UTRN: variants seen among roughly 807,000 people sequenced by gnomAD.
UTRN encodes the protein dystrophin-related protein 1.
A neutral mutation model predicts 463.9 loss-of-function variants in UTRN; 283 were observed. The observed-to-expected ratio is 0.61, with a 90% confidence interval of 0.55 to 0.67. The LOEUF is 0.67. Ranked by LOEUF, UTRN falls within the 30% of genes least tolerant of loss-of-function variation. The probability of loss-of-function intolerance (pLI) is 0.00; values close to 1 mark genes in which losing one functional copy is unlikely to be tolerated. For synonymous variants in UTRN, 1,442 were observed against 1,431.5 expected (o/e 1.01, Z -0.17); for missense variants, 3,922 against 4,084.3 (o/e 0.96, Z 1.08).
At chr6:144,843,354 A>G (rs1781754685) in intron 73 of UTRN, among the ~76,000 whole-genome samples, 1 of 152,090 alleles carries the variant, frequency 6.6e-6, no homozygotes, top group African/African-American at 2.4e-5. Context: ...TCCAAGTTCC[A>G]TTTCCTAAAG....
chr6:144,636,164 T>A (rs1285487119), intron 51 of UTRN, among the ~76,000 whole-genome samples: 2 of 152,106 alleles, frequency 1.3e-5, no homozygotes, highest in African/African-American at 2.4e-5. Context: ...TTCTTATGCT[T>A]GTAATTAGAG....
chr6:144,391,697 A>G lies in UTRN; in HGVS notation c.80-11426A>G, dbSNP rs1345924012. 2.0e-5 allele frequency among the ~76,000 whole-genome samples: 3 copies of G among 152,184 alleles called. No homozygotes were observed. In the South Asian group the frequency reaches 6.2e-4, roughly 32 times the overall value. On this transcript the variant is annotated intron_variant, in intron 2 of 74. Transcript: ENST00000367545. ...CTCTCTGCCGCCCAGGCTAGAGTGC[A>G]GTGGTGCAATCTCGGCTCACTGCAA...
intron 74 of UTRN, 73 bp from the exon 75 acceptor site, chr6:144,850,916 A>G (rs1384640679): frequency 6.3e-6 from 10 of 1,594,186 alleles, no homozygotes; most frequent in Admixed American, 1.7e-5. Flanking sequence ...TATTTTCTTG[A>G]AGAATTGACA....
chr6:144,487,824 T>C (rs1792621172), intron 29 of UTRN, 127 bp downstream of exon 29: 2 of 825,780 alleles, frequency 2.4e-6, no homozygotes, highest in South Asian at 2.7e-5. Flanking sequence ...TAACCAATGC[T>C]AACAGGGGCA....
intron 54 of UTRN, among the ~76,000 whole-genome samples, chr6:144,733,138 A>T (rs959748257): frequency 3.9e-5 from 6 of 152,246 alleles, no homozygotes; most frequent in Admixed American, 2.0e-4. Flanking sequence ...CTCTGAAGAT[A>T]TCATTTGCTG....
chr6:144,552,579 C>G (rs991872979), intron 48 of UTRN, among the ~76,000 whole-genome samples: 6 of 152,024 alleles, frequency 3.9e-5, no homozygotes, highest in African/African-American at 1.4e-4. Flanking sequence ...CTTCCCTTTC[C>G]CATTGAATGT....
intron 2 of UTRN, among the ~76,000 whole-genome samples, chr6:144,364,479 C>T (rs1227484678): frequency 1.3e-5 from 2 of 152,120 alleles, no homozygotes; most frequent in African/African-American, 4.8e-5. Flanking sequence ...CCAGCTGGGG[C>T]TAGAAGCTCA....
intron 3 of UTRN, among the ~76,000 whole-genome samples, chr6:144,409,185 G>T (rs564930294): frequency 5.3e-5 from 8 of 152,250 alleles, no homozygotes; most frequent in Admixed American, 5.2e-4. Flanking sequence ...GTTGCTGTTT[G>T]TTTTGTTTTC....
At chr6:144,731,455 C>T (rs1262337918) in intron 54 of UTRN, among the ~76,000 whole-genome samples, 1 of 152,188 alleles carries the variant, frequency 6.6e-6, no homozygotes, top group Non-Finnish European at 1.5e-5. Context: ...TGAAAGATTG[C>T]CTCATGCTGT....
intron 69 of UTRN, among the ~76,000 whole-genome samples, chr6:144,834,511 CAACT>C (rs372711197): frequency 1.7e-3 from 252 of 152,258 alleles, no homozygotes; most frequent in African/African-American, 5.7e-3. Context: ...AGGAATTCAC[CAACT>C]GTCTGATACA....
chr6:144,491,227 G>A (rs970343929), intron 32 of UTRN, 125 bp downstream of exon 32: 19 of 893,892 alleles, frequency 2.1e-5, no homozygotes, highest in African/African-American at 3.4e-5. Context: ...CATAAGGATT[G>A]ATGATGGAAA....
At chr6:144,674,288 T>G (rs2128680560) in intron 51 of UTRN, among the ~76,000 whole-genome samples, 1 of 152,156 alleles carries the variant, frequency 6.6e-6, no homozygotes, top group South Asian at 2.1e-4. Context: ...TGAATTATTC[T>G]TAGATTTGGT....
chr6:144,604,286 AAAG>A (rs1804584671), intron 51 of UTRN, among the ~76,000 whole-genome samples: 1 of 152,206 alleles, frequency 6.6e-6, no homozygotes, highest in Non-Finnish European at 1.5e-5. Flanking sequence ...TATGAGAGAA[AAAG>A]AAGAGTGTGA....
intron 27 of UTRN, among the ~76,000 whole-genome samples, chr6:144,482,644 A>G (rs1792017224): frequency 6.6e-6 from 1 of 152,140 alleles, no homozygotes; most frequent in Non-Finnish European, 1.5e-5. Flanking sequence ...TGGGCAAGTC[A>G]TTTTGTATAT....
At chr6:144,393,756 G>T (rs1362878360) in intron 2 of UTRN, among the ~76,000 whole-genome samples, 1 of 152,066 alleles carries the variant, frequency 6.6e-6, no homozygotes, top group Non-Finnish European at 1.5e-5. Flanking sequence ...AAGAGGGGGA[G>T]AGTCTTTGCT....
intron 69 of UTRN, among the ~76,000 whole-genome samples, chr6:144,834,996 C>A (rs1406079184): frequency 1.3e-5 from 2 of 152,178 alleles, no homozygotes; most frequent in African/African-American, 4.8e-5. Context: ...GGTATTTGCA[C>A]ATTTATAAGA....
At chr6:144,842,307 C>T (rs778262436) in intron 73 of UTRN, among the ~76,000 whole-genome samples, 2 of 152,004 alleles carry the variant, frequency 1.3e-5, no homozygotes, top group Non-Finnish European at 2.9e-5. Flanking sequence ...GGCCCAGGTG[C>T]GGTGGCTCAT....
In UTRN at chr6:144,533,258, A is replaced by G; in HGVS notation, c.6231A>G (p.Pro2077=). 1 of 1,613,956 alleles carries G rather than the reference A, an allele frequency of 6.2e-7. No individual in the cohort carries two copies. Among genetic ancestry groups the G allele is most frequent in the Non-Finnish European group, 8.5e-7 (1 of 1,179,870 alleles). The change falls in exon 43 of 75, where the codon CCA becomes CCG. Residue 2077 remains proline, a splice_region_variant and synonymous_variant. Transcript: ENST00000367545. ...TTGCAGAAGTGAAGGATAGGCAGCC[A>G]AGGTGATTTAGCTATGATTGTTTGC... is the stretch of plus-strand genomic sequence containing the variant. ...AIVAEVKDRQ[P]RLKGESKQVM...
At chr6:144,740,403 T>C (rs1022857001) in intron 54 of UTRN, among the ~76,000 whole-genome samples, 4 of 152,216 alleles carry the variant, frequency 2.6e-5, no homozygotes, top group African/African-American at 9.6e-5. Context: ...ACTGATTTCC[T>C]AACACCGAGG....
Sources: allele counts gnomAD v4.1 joint callset (sites outside exome capture counted in the v4.1 genomes callset), GRCh38; gene constraint gnomAD v4.1.1; transcripts MANE v1.5; gene names NCBI Gene and HGNC (gene_info 2026-07-23, HGNC 2026-07-21).